AFF3: variants seen among roughly 807,000 people sequenced by gnomAD.
AFF3 encodes the protein ALF transcription elongation factor 3.
AFF3 carries 32 observed loss-of-function variants against 129.7 expected under a neutral mutation model. The ratio of observed to expected loss-of-function variants is 0.25; its 90% confidence interval spans 0.19 to 0.33. AFF3 has a LOEUF of 0.33. AFF3 is among the 10% of genes least tolerant of loss of function. The probability of loss-of-function intolerance (pLI) is 1.00; values close to 1 mark genes in which losing one functional copy is unlikely to be tolerated. For synonymous variants in AFF3, 644 were observed against 635.4 expected (o/e 1.01, Z -0.20); for missense variants, 1,373 against 1,592.0 (o/e 0.86, Z 2.34).
intron 2 of AFF3, among the ~76,000 whole-genome samples, chr2:100,107,931 A>T (rs565318188): frequency 6.6e-6 from 1 of 152,284 alleles, no homozygotes; most frequent in African/African-American, 2.4e-5. Flanking sequence ...TTTTGTAACC[A>T]AGTGGGATTT....
chr2:99,757,066 G>C (rs1449750912), intron 8 of AFF3, among the ~76,000 whole-genome samples: 1 of 152,218 alleles, frequency 6.6e-6, no homozygotes, highest in Non-Finnish European at 1.5e-5. Flanking sequence ...CACTCTCGGA[G>C]ATCTCATGCT....
intron 13 of AFF3, among the ~76,000 whole-genome samples, chr2:99,616,779 C>T (rs1482083441): frequency 2.6e-5 from 4 of 152,030 alleles, no homozygotes; most frequent in Non-Finnish European, 5.9e-5. Context: ...AAACTGTGTA[C>T]ATCAGCAGTC....
intron 2 of AFF3, chr2:100,105,991 G>A: frequency 2.3e-6 from 3 of 1,324,874 alleles, no homozygotes; most frequent in Non-Finnish European, 2.0e-6. Flanking sequence ...TGCAAGTGAC[G>A]GGATCCCTCC....
chr2:99,714,068 G>C (rs940185140), intron 11 of AFF3, among the ~76,000 whole-genome samples: 3 of 152,124 alleles, frequency 2.0e-5, no homozygotes, highest in Non-Finnish European at 2.9e-5. Flanking sequence ...TGTCGTGCCA[G>C]AACACAGAAA....
chr2:99,759,072 A>C (rs1034597290), intron 8 of AFF3, among the ~76,000 whole-genome samples: 1 of 152,206 alleles, frequency 6.6e-6, no homozygotes, highest in African/African-American at 2.4e-5. Context: ...TTATCCATTA[A>C]GGCTCATCTC....
intron 8 of AFF3, among the ~76,000 whole-genome samples, chr2:99,828,560 C>T (rs1576118659): frequency 6.6e-6 from 1 of 152,280 alleles, no homozygotes; most frequent in South Asian, 2.1e-4. Flanking sequence ...CGCCACGAGA[C>T]GGACCCACTT....
intron 11 of AFF3, among the ~76,000 whole-genome samples, chr2:99,721,331 T>C (rs1361394878): frequency 6.6e-6 from 1 of 152,004 alleles, no homozygotes; most frequent in Non-Finnish European, 1.5e-5. Flanking sequence ...GAGATTGAGA[T>C]CATCCTGGCC....
At chr2:100,061,721 C>A (rs933671653) in intron 4 of AFF3, among the ~76,000 whole-genome samples, 2 of 152,082 alleles carry the variant, frequency 1.3e-5, no homozygotes, top group African/African-American at 4.8e-5. Context: ...TAACTAGATT[C>A]ATGATTTTTT....
At chr2:99,667,702 A>C (rs1040512525) in intron 12 of AFF3, among the ~76,000 whole-genome samples, 2 of 152,192 alleles carry the variant, frequency 1.3e-5, no homozygotes, top group African/African-American at 2.4e-5. Flanking sequence ...AAGGATAATA[A>C]AGGAATATTA....
At chr2:99,558,276 C>A (rs1481060956) in intron 22 of AFF3, among the ~76,000 whole-genome samples, 1 of 152,148 alleles carries the variant, frequency 6.6e-6, no homozygotes, top group Non-Finnish European at 1.5e-5. Flanking sequence ...GATGAATTTC[C>A]TAGGACAGTG....
At chr2:100,002,243 G>A (rs142986352) in intron 7 of AFF3, among the ~76,000 whole-genome samples, 46 of 152,150 alleles carry the variant, frequency 3.0e-4, no homozygotes, top group African/African-American at 6.5e-4. Context: ...TTTTTTGCCC[G>A]ACAGGCTGGT....
chr2:99,785,409 A>C (rs1684717759), intron 8 of AFF3, among the ~76,000 whole-genome samples: 1 of 152,228 alleles, frequency 6.6e-6, no homozygotes, highest in Admixed American at 6.5e-5. Context: ...TTCGAAAATT[A>C]TATCCAAATC....
intron 4 of AFF3, among the ~76,000 whole-genome samples, chr2:100,083,559 TAG>T (rs1689189900): frequency 6.6e-6 from 1 of 152,174 alleles, no homozygotes; most frequent in Non-Finnish European, 1.5e-5. Context: ...CACAAAGCAA[TAG>T]AGTTCTTACA....
At chr2:99,701,898 A>G (rs891968976) in intron 11 of AFF3, among the ~76,000 whole-genome samples, 2 of 152,224 alleles carry the variant, frequency 1.3e-5, no homozygotes, top group African/African-American at 4.8e-5. Flanking sequence ...CAAAGGTTAC[A>G]TACGTGGAAT....
chr2:99,595,471 T>TC (rs1452829006), intron 14 of AFF3, among the ~76,000 whole-genome samples: 2 of 152,224 alleles, frequency 1.3e-5, no homozygotes, highest in East Asian at 1.9e-4. Flanking sequence ...GCTCCATACT[T>TC]CAAGCTTGAT....
chr2:99,636,680 G>A (rs958836322), intron 13 of AFF3, among the ~76,000 whole-genome samples: 7 of 152,338 alleles, frequency 4.6e-5, no homozygotes, highest in Non-Finnish European at 8.8e-5. Context: ...GGCAGATGCT[G>A]CATTCTGAGG....
rs749009294 is a variant in AFF3 at position 99,921,556 on chromosome 2, G to T, written c.874-84032C>A. On this transcript the variant is annotated intron_variant, in intron 7 of 24. Transcript: ENST00000672756. ...GTCATGTAAAATGTTAACATCAAGC[G>T]TAGCTGAAGGAAGTGTACGTAGGCA... 3.3e-5 allele frequency among the ~76,000 whole-genome samples: 5 copies of T among 152,068 alleles called. No homozygotes were observed. In the East Asian group the frequency reaches 5.8e-4, roughly 18 times the overall value.
intron 12 of AFF3, among the ~76,000 whole-genome samples, chr2:99,660,846 T>C (rs1352461896): frequency 1.3e-5 from 2 of 152,170 alleles, no homozygotes; most frequent in African/African-American, 2.4e-5. Flanking sequence ...GGGGATGGAA[T>C]TGGGAAGTGC....
intron 4 of AFF3, among the ~76,000 whole-genome samples, chr2:100,041,519 C>A: frequency 6.6e-6 from 1 of 151,972 alleles, no homozygotes; most frequent in East Asian, 1.9e-4. Context: ...AGAAAAGCCC[C>A]CACGTGCCCC....
Sources: gnomAD v4.1 joint callset for allele counts (sites outside exome capture counted in the v4.1 genomes callset) on GRCh38, gnomAD v4.1.1 for gene constraint, MANE v1.5 for transcripts, NCBI Gene and HGNC (gene_info 2026-07-23, HGNC 2026-07-21) for gene names.